The following CDH4 variants were observed in gnomAD, a reference collection of about 807,000 sequenced individuals.
CDH4 encodes the protein cadherin 4, also known as cadherin-4.
A neutral mutation model predicts 86.0 loss-of-function variants in CDH4; 33 were observed. The ratio of observed to expected loss-of-function variants is 0.38; its 90% CI spans 0.29 to 0.51. CDH4 has a LOEUF of 0.51. CDH4 is among the 20% of genes least tolerant of loss of function. The pLI, the probability that CDH4 is intolerant of heterozygous loss-of-function variation, is 0.86. For missense variants in CDH4, 1,114 were observed against 1,307.4 expected (o/e 0.85, Z 2.28); for synonymous variants, 555 against 549.4 (o/e 1.01, Z -0.14).
chr20:61,841,047 A>G (rs1418226209), intron 4 of CDH4, among the ~76,000 whole-genome samples: 2 of 152,226 alleles, frequency 1.3e-5, no homozygotes, highest in Non-Finnish European at 1.5e-5. Flanking sequence ...AAAACTAGCA[A>G]TAGCGCACAG....
chr20:61,556,458 G>C (rs1936205), intron 2 of CDH4, among the ~76,000 whole-genome samples: 2 of 152,144 alleles, frequency 1.3e-5, no homozygotes, highest in Admixed American at 6.5e-5. Flanking sequence ...TCTGCACACA[G>C]ACTTTTGTTA....
chr20:61,341,403 A>G (rs575866044), intron 2 of CDH4, among the ~76,000 whole-genome samples: 1 of 152,356 alleles, frequency 6.6e-6, no homozygotes, highest in African/African-American at 2.4e-5. Flanking sequence ...TGACAGGGAA[A>G]GCAATTTTAT....
rs1007178110 is a variant in CDH4 at position 61,570,809 on chromosome 20, G to A, written c.170-172754G>A. 3.3e-5 allele frequency: 23 copies of A among 701,702 alleles called. 1 individual carries two copies. The highest frequency in any genetic ancestry group is 4.6e-4 in the Middle Eastern group (2 of 4,332). The allele number at this position is 701,702 out of a possible 1,614,324, so 43.5% of individuals were successfully genotyped here. The stretch of plus-strand genomic sequence containing the variant: ...ATAAATGCTAATTACCTTCTCTGCC[G>A]CGCCAGGGGGTTGCTGCTGTTTTCT... On this transcript the variant is annotated intron_variant, in intron 2 of 15. Transcript: ENST00000614565.
chr20:61,863,531 T>G (rs1983418901), intron 6 of CDH4, among the ~76,000 whole-genome samples: 1 of 152,184 alleles, frequency 6.6e-6, no homozygotes, highest in Non-Finnish European at 1.5e-5. Context: ...ACATCTTTCC[T>G]GCAGGGAGCC....
At chr20:61,553,918 C>A (rs1414660890) in intron 2 of CDH4, among the ~76,000 whole-genome samples, 1 of 152,182 alleles carries the variant, frequency 6.6e-6, no homozygotes, top group Non-Finnish European at 1.5e-5. Flanking sequence ...AGGTGAGCCT[C>A]AGATGCAACT....
At chr20:61,686,410 T>C (rs2087573910) in intron 2 of CDH4, among the ~76,000 whole-genome samples, 1 of 151,742 alleles carries the variant, frequency 6.6e-6, no homozygotes. Flanking sequence ...CGTGTGTATG[T>C]GCCTGTACAT....
chr20:61,274,719 T>A (rs1407890426), intron 2 of CDH4, among the ~76,000 whole-genome samples: 1 of 136,584 alleles, frequency 7.3e-6, no homozygotes, highest in Non-Finnish European at 1.5e-5. Flanking sequence ...GGGGGAGTAC[T>A]GTGTGCTGTT....
chr20:61,853,881 G>A (rs1374739449), intron 6 of CDH4, among the ~76,000 whole-genome samples: 4 of 152,154 alleles, frequency 2.6e-5, no homozygotes, highest in African/African-American at 4.8e-5. Context: ...GGGTTGGGTC[G>A]GGGGAGGTGA....
intron 2 of CDH4, among the ~76,000 whole-genome samples, chr20:61,721,826 T>C (rs1004342514): frequency 2.0e-5 from 3 of 152,162 alleles, no homozygotes; most frequent in African/African-American, 4.8e-5. Flanking sequence ...AGAGTGGATA[T>C]TGGATGGGCA....
intron 4 of CDH4, among the ~76,000 whole-genome samples, chr20:61,840,788 A>C (rs1470328563): frequency 1.3e-5 from 2 of 152,164 alleles, no homozygotes; most frequent in Non-Finnish European, 2.9e-5. Flanking sequence ...TAATATGGTA[A>C]ACTGTGGGAG....
At chr20:61,382,968 TAC>T (rs1600921724) in intron 2 of CDH4, among the ~76,000 whole-genome samples, 1 of 150,226 alleles carries the variant, frequency 6.7e-6, no homozygotes, top group East Asian at 1.9e-4. Context: ...AGTCAATCGG[TAC>T]ACAGACAAAA....
intron 4 of CDH4, among the ~76,000 whole-genome samples, chr20:61,837,851 A>G (rs61528970): frequency 0.033 from 5,022 of 152,000 alleles, 191 homozygotes; most frequent in East Asian, 0.1. Context: ...GAACCCATGT[A>G]TCATCCAGGC....
At chr20:61,749,465 A>G (rs1264366451) in intron 3 of CDH4, among the ~76,000 whole-genome samples, 1 of 152,228 alleles carries the variant, frequency 6.6e-6, no homozygotes, top group Middle Eastern at 3.2e-3. Flanking sequence ...GCAAGTCCCA[A>G]CATACTTCAT....
chr20:61,888,659 C>T (rs1012198441), intron 7 of CDH4, among the ~76,000 whole-genome samples: 2 of 152,230 alleles, frequency 1.3e-5, no homozygotes, highest in African/African-American at 2.4e-5. Context: ...TCAAGGGTGG[C>T]GCCAGCTCTG....
chr20:61,889,617 T>A (rs2122849670), intron 7 of CDH4, among the ~76,000 whole-genome samples: 1 of 11,468 alleles, frequency 8.7e-5, no homozygotes, highest in African/African-American at 2.6e-4. Context: ...GGTGGATAGA[T>A]GATGGATGGA....
intron 7 of CDH4, among the ~76,000 whole-genome samples, chr20:61,890,251 G>A (rs1568869615): frequency 1.3e-5 from 2 of 151,616 alleles, no homozygotes; most frequent in East Asian, 3.9e-4. Context: ...CATGATGGAT[G>A]CATAGATGGA....
intron 8 of CDH4, among the ~76,000 whole-genome samples, chr20:61,905,756 G>A (rs544210282): frequency 6.6e-6 from 1 of 152,330 alleles, no homozygotes; most frequent in East Asian, 1.9e-4. Context: ...TTACCTGGTT[G>A]TGGCTGTAGA....
chr20:61,414,471 G>A (rs1159258469), intron 2 of CDH4, among the ~76,000 whole-genome samples: 1 of 152,198 alleles, frequency 6.6e-6, no homozygotes, highest in African/African-American at 2.4e-5. Context: ...AGACAGGCAG[G>A]CACCCCAGCC....
intron 4 of CDH4, among the ~76,000 whole-genome samples, chr20:61,775,266 G>A (rs1347393549): frequency 2.0e-5 from 3 of 152,128 alleles, no homozygotes; most frequent in East Asian, 3.8e-4. Flanking sequence ...TGTGCTGGAG[G>A]CATGAGGACC....
Sources: gnomAD v4.1 joint callset for allele counts (sites outside exome capture counted in the v4.1 genomes callset) on GRCh38, gnomAD v4.1.1 for gene constraint, MANE v1.5 for transcripts, NCBI Gene and HGNC (gene_info 2026-07-23, HGNC 2026-07-21) for gene names.